The following CRHR2 variants were observed in gnomAD, a reference collection of about 807,000 sequenced individuals.
CRHR2 encodes corticotropin-releasing hormone receptor 2.
A neutral mutation model predicts 57.9 loss-of-function variants in CRHR2; 53 were observed. That is an observed-to-expected ratio of 0.92 (90% confidence interval 0.73 to 1.15). The LOEUF (loss-of-function observed/expected upper bound fraction) is 1.15, where lower values mean the gene tolerates loss of function less well. Ranked by LOEUF, CRHR2 falls within the 50% of genes most tolerant of loss-of-function variation. The pLI, the probability that CRHR2 is intolerant of heterozygous loss-of-function variation, is 0.00. For synonymous variants in CRHR2, 213 were observed against 220.9 expected (o/e 0.96, Z 0.32); for missense variants, 532 against 542.6 (o/e 0.98, Z 0.19).
chr7:30,654,549 T>C (rs1305743776), intron 11 of CRHR2: 5 of 840,636 alleles, frequency 5.9e-6, no homozygotes, highest in Admixed American at 2.7e-5. Context: ...TCAGCTGCAC[T>C]GGGGCTTTGG....
chr7:30,695,270 T>C (rs957622550), intron 1 of CRHR2, among the ~76,000 whole-genome samples: 4 of 152,050 alleles, frequency 2.6e-5, no homozygotes, highest in African/African-American at 7.2e-5. Flanking sequence ...TTCTAACTTG[T>C]AGGGTGTTGG....
Position 30,682,161 on chromosome 7 carries a change from G to T in CRHR2, c.103+17C>A. 6.5e-7 allele frequency: 1 copy of T among 1,549,492 alleles called. No homozygotes were observed. The highest frequency in any genetic ancestry group is 8.6e-7 in the Non-Finnish European group (1 of 1,157,676). On this transcript the variant is annotated intron_variant, in intron 1 of 11. Coordinates refer to ENST00000471646, the MANE Select transcript of CRHR2 (RefSeq NM_001883.5). The stretch of plus-strand genomic sequence containing the variant: ...GAAGGAGCCCGCGCAGCCTCCGACC[G>T]CTCGCCTCCCGCCTACCCTCGGGGT...
intron 9 of CRHR2, 72 bp downstream of exon 9, chr7:30,655,855 C>T (rs1186051472): frequency 6.3e-7 from 1 of 1,598,064 alleles, no homozygotes; most frequent in African/African-American, 1.3e-5. Context: ...GAGGGCTCTG[C>T]CAGGAAGCAG....
At chr7:30,660,018 A>C (rs1284980689) in intron 8 of CRHR2, among the ~76,000 whole-genome samples, 1 of 152,080 alleles carries the variant, frequency 6.6e-6, no homozygotes, top group African/African-American at 2.4e-5. Context: ...ACTCTCTCTT[A>C]ATTAAAGCTC....
chr7:30,662,952 C>T (rs1301754631), intron 5 of CRHR2, 105 bp from the exon 6 acceptor site: 5 of 1,333,140 alleles, frequency 3.8e-6, no homozygotes, highest in East Asian at 5.1e-5. Context: ...AAAGGGGGTT[C>T]GTGGACATGC....
rs200747379 is a variant in CRHR2, at chr7:30,662,161, A to C, written c.753T>G (p.Asn251Lys). 3.0e-5 allele frequency: 49 copies of C among 1,613,880 alleles called. No homozygotes were observed. Among genetic ancestry groups the C allele is most frequent in the Non-Finnish European group, 4.0e-5 (47 of 1,179,962 alleles). The change falls in exon 7 of 12, where the codon AAT becomes AAG. Residue 251 changes from asparagine to lysine, a missense_variant. Asn to Lys is a moderately conservative substitution (Grantham distance 94, BLOSUM62 0). Transcript: ENST00000471646. The part of the protein sequence containing the change: ...AWAIGKLYYE[N>K]EQCWFGKEPG... ...TGGCTGGCCCATCCACTTACTGTTC[A>C]TTCTCATAGTAGAGCTTGCCGATGG...
intron 1 of CRHR2, among the ~76,000 whole-genome samples, chr7:30,690,075 G>T (rs1784931055): frequency 6.6e-6 from 1 of 152,214 alleles, no homozygotes; most frequent in African/African-American, 2.4e-5. Flanking sequence ...AGTGGGTGCT[G>T]GATGTGCACG....
chr7:30,660,302 A>G (rs951429616), intron 8 of CRHR2, among the ~76,000 whole-genome samples: 1 of 152,252 alleles, frequency 6.6e-6, no homozygotes, highest in Non-Finnish European at 1.5e-5. Flanking sequence ...GGGAGGGCAC[A>G]GGAAGTCTAC....
chr7:30,692,832 C>T (rs529395705), intron 1 of CRHR2, among the ~76,000 whole-genome samples: 9 of 152,192 alleles, frequency 5.9e-5, no homozygotes, highest in Admixed American at 1.3e-4. Flanking sequence ...CCCAGGGAAG[C>T]GAAGTCACCC....
chr7:30,682,909 A>C (rs1230265694), upstream of CRHR2, among the ~76,000 whole-genome samples: 3 of 152,182 alleles, frequency 2.0e-5, no homozygotes, highest in African/African-American at 7.2e-5. Context: ...CATCCTCCAA[A>C]AGCCTCCATA....
Position 30,655,732 on chromosome 7 carries a change from G to T in CRHR2, c.918-17C>A, listed in dbSNP as rs1465025769. On this transcript the variant is annotated splice_polypyrimidine_tract_variant and intron_variant, in intron 9 of 11. Transcript: ENST00000471646. ...ACTGCCTTCCTGGGGGCGAGAGGTG[G>T]ACACAGGTCTGAGCCCATGCGGCAG... 2 of 1,611,664 alleles carry T rather than the reference G, an allele frequency of 1.2e-6. No individual in the cohort carries two copies. Among genetic ancestry groups the T allele is most frequent in the Non-Finnish European group, 1.7e-6 (2 of 1,178,700 alleles).
intron 2 of CRHR2, among the ~76,000 whole-genome samples, chr7:30,681,100 C>G (rs891750906): frequency 6.6e-6 from 1 of 152,128 alleles, no homozygotes; most frequent in Non-Finnish European, 1.5e-5. Context: ...CCTACCCACA[C>G]GCACACACCC....
chr7:30,664,289 A>G (rs935866842), intron 5 of CRHR2, among the ~76,000 whole-genome samples: 8 of 152,242 alleles, frequency 5.3e-5, no homozygotes, highest in African/African-American at 1.9e-4. Flanking sequence ...CAGTTTTACA[A>G]TAGCTTGGAC....
chr7:30,660,306 A>G lies in CRHR2; in HGVS notation c.831+267T>C, dbSNP rs151033185. On this transcript the variant is annotated intron_variant, in intron 8 of 11. Transcript: ENST00000471646. ...AGTGTCAGACCGGGAGGGCACAGGA[A>G]GTCTACCCATCAGATCCTTTCTCCT... 4.6e-4 allele frequency among the ~76,000 whole-genome samples: 70 copies of G among 152,344 alleles called. 2 individuals carry two copies. Among genetic ancestry groups the G allele is most frequent in the African/African-American group, 1.6e-3 (67 of 41,572 alleles).
intron 2 of CRHR2, among the ~76,000 whole-genome samples, chr7:30,681,339 G>A (rs1784697929): frequency 6.6e-6 from 1 of 152,162 alleles, no homozygotes. Context: ...TCAGTCCTGG[G>A]ACCTCGGATT....
intron 2 of CRHR2, among the ~76,000 whole-genome samples, chr7:30,668,737 T>C (rs1174334242): frequency 3.3e-5 from 5 of 152,192 alleles, no homozygotes; most frequent in Admixed American, 3.3e-4. Context: ...AGCTCATCCA[T>C]TCTTCAAACC....
intron 2 of CRHR2, among the ~76,000 whole-genome samples, chr7:30,681,714 G>A (rs1159910279): frequency 6.6e-6 from 1 of 152,202 alleles, no homozygotes; most frequent in Non-Finnish European, 1.5e-5. Flanking sequence ...CAAATCACTG[G>A]CTTACTGAGA....
intron 11 of CRHR2, among the ~76,000 whole-genome samples, chr7:30,654,271 T>G (rs1252026099): frequency 2.0e-5 from 3 of 152,156 alleles, no homozygotes; most frequent in Admixed American, 2.0e-4. Flanking sequence ...TCCATAAACA[T>G]CCCTTGTTTG....
intron 6 of CRHR2, 138 bp from the exon 7 acceptor site, chr7:30,662,354 GCCCTGTCCCTCAACACCTGGCCCATGC>G: frequency 1.0e-6 from 1 of 988,866 alleles, no homozygotes; most frequent in Non-Finnish European, 1.5e-6. Context: ...CCCCAGGGGT[GCCCTGTCCCTCAACACCTGGCCCATGC>G]CCCTGCCCCT....
Sources: gnomAD v4.1 joint callset for allele counts (sites outside exome capture counted in the v4.1 genomes callset) on GRCh38, gnomAD v4.1.1 for gene constraint, MANE v1.5 for transcripts, NCBI Gene and HGNC (gene_info 2026-07-23, HGNC 2026-07-21) for gene names.